Variants in MAPKAPK5 observed in about 807,000 individuals in gnomAD.
MAPKAPK5 encodes MAP kinase-activated protein kinase 5.
MAPKAPK5 carries 30 observed loss-of-function variants against 65.1 expected under a neutral mutation model. The observed-to-expected ratio is 0.46, with a 90% CI of 0.34 to 0.63. The LOEUF is 0.63. Among genes scored for constraint, MAPKAPK5 ranks in the 20% least tolerant of loss-of-function variants. The pLI, the probability that MAPKAPK5 is intolerant of heterozygous loss-of-function variation, is 0.01. For synonymous variants in MAPKAPK5, 179 were observed against 204.6 expected, an observed-to-expected ratio of 0.87 and a Z score of 1.07; for missense variants, 433 against 581.4, an observed-to-expected ratio of 0.74 and a Z score of 2.63.
At chr12:111,886,636 C>G (rs1485050317) in intron 10 of MAPKAPK5, among the ~76,000 whole-genome samples, 5 of 152,218 alleles carry the variant, frequency 3.3e-5, no homozygotes, top group Admixed American at 2.6e-4. Context: ...AAAACACATG[C>G]AAATACATCA....
intron 7 of MAPKAPK5, among the ~76,000 whole-genome samples, chr12:111,877,503 C>G (rs1484007434): frequency 2.6e-5 from 4 of 152,110 alleles, no homozygotes; most frequent in Admixed American, 6.6e-5. Context: ...TTTGCATTCC[C>G]TAATGAGTAA....
Position 111,842,558 on chromosome 12 carries a change from C to T in MAPKAPK5, c.-176C>T. 2.6e-6 allele frequency: 1 copy of T among 380,630 alleles called. No individual in the cohort carries two copies. Among genetic ancestry groups the T allele is most frequent in the Non-Finnish European group, 4.8e-6 (1 of 208,448 alleles). The allele number at this position is 380,630 out of a possible 1,614,324, so 23.6% of individuals were successfully genotyped here. Reference sequence around the variant, plus strand: ...GCTGCTGCCGCCAGCCTAGAGCCGCCCGCCGAAGCAGAGCCGGCGCCGGGG... The same window carrying T: ...GCTGCTGCCGCCAGCCTAGAGCCGCTCGCCGAAGCAGAGCCGGCGCCGGGG... On this transcript the variant is annotated 5_prime_UTR_variant, in exon 1 of 14. Coordinates refer to ENST00000550735, the MANE Select transcript of MAPKAPK5 (RefSeq NM_003668.4).
At position 111,892,944 on chromosome 12, in the gene MAPKAPK5, C is replaced by T. The variant is rs1348186966; in HGVS notation, c.1322-23C>T. 2.6e-6 allele frequency: 4 copies of T among 1,531,204 alleles called. No individual in the cohort carries two copies. The East Asian group carries it at 9.7e-5, about 37-fold the overall frequency. 94.9% of individuals were successfully genotyped at this position (1,531,204 alleles called of 1,614,324 possible). A position where few individuals can be genotyped will look rare whatever the true frequency, so the allele number is the denominator to read the frequency against. On this transcript the variant is annotated intron_variant, in intron 13 of 13. Transcript: ENST00000550735. The stretch of plus-strand genomic sequence containing the variant: ...ACCTCTCAAAGAATTTGAGGACTGA[C>T]CTTGTTCTTTTTTTGCTTTCAGGTC...
chr12:111,860,237 C>T (rs895411460), intron 1 of MAPKAPK5, among the ~76,000 whole-genome samples: 3 of 152,170 alleles, frequency 2.0e-5, no homozygotes, highest in Admixed American at 6.5e-5. Context: ...GTCAAATGCT[C>T]TACTGCTGAG....
chr12:111,860,349 T>G (rs2069396491), intron 1 of MAPKAPK5, among the ~76,000 whole-genome samples: 1 of 152,216 alleles, frequency 6.6e-6, no homozygotes, highest in South Asian at 2.1e-4. Flanking sequence ...CTGGTTCTCT[T>G]AGGTATAATT....
rs1008932070 is a variant in MAPKAPK5 at position 111,843,277 on chromosome 12, C to T, written c.36+508C>T. Reference sequence around the variant, plus strand: ...TGTCCTCACTTTTCCGTGTATTCTCCCCTTTTTCTTTTTCCTCTTCTTTCT... The same window carrying T: ...TGTCCTCACTTTTCCGTGTATTCTCTCCTTTTTCTTTTTCCTCTTCTTTCT... On this transcript the variant is annotated intron_variant, in intron 1 of 13. Coordinates refer to ENST00000550735, the MANE Select transcript of MAPKAPK5 (RefSeq NM_003668.4). 1.3e-5 allele frequency: 5 copies of T among 398,492 alleles called. No individual in the cohort carries two copies. In the Admixed American group the frequency reaches 2.2e-4, roughly 18 times the overall value. 24.7% of individuals were successfully genotyped at this position (398,492 alleles called of 1,614,324 possible).
In MAPKAPK5 at chr12:111,867,584, A is replaced by G. The variant is rs1461751279; in HGVS notation, c.199A>G (p.Met67Val). The part of the protein sequence containing the change: ...PKARNEVRLH[M>V]MCATHPNIVQ... ...TGTTCTCTTTAAGGTACGTCTGCAC[A>G]TGATGTGTGCCACACACCCAAACAT... The change falls in exon 4 of 14, where the codon ATG (methionine) becomes GTG (valine). Residue 67 changes from methionine to valine, a missense_variant. Met to Val is a conservative substitution (Grantham distance 21, BLOSUM62 1). Transcript: ENST00000550735. The G allele has an allele frequency of 6.2e-7, 1 of 1,613,608 alleles. No homozygotes were observed. The highest frequency in any genetic ancestry group is 1.3e-5 in the African/African-American group (1 of 75,042).
At chr12:111,885,585 C>T (rs1227059555) in intron 9 of MAPKAPK5, 1 of 210,034 alleles carries the variant, frequency 4.8e-6, no homozygotes. Flanking sequence ...GCCCATTGTC[C>T]TAGAAACCTC....
At chr12:111,889,117 T>C (rs2070515180) in intron 12 of MAPKAPK5, 117 bp downstream of exon 12, 8 of 1,160,482 alleles carry the variant, frequency 6.9e-6, no homozygotes, top group African/African-American at 1.5e-5. Context: ...GTTGTCTGTT[T>C]CATCTTGTGT....
chr12:111,875,653 A>C (rs1323368719), intron 7 of MAPKAPK5, among the ~76,000 whole-genome samples: 1 of 152,120 alleles, frequency 6.6e-6, no homozygotes, highest in Non-Finnish European at 1.5e-5. Flanking sequence ...TGTGCAGAAG[A>C]GTATGGGAGC....
chr12:111,851,729 A>C (rs1593124112), intron 1 of MAPKAPK5, among the ~76,000 whole-genome samples: 1 of 152,238 alleles, frequency 6.6e-6, no homozygotes, highest in African/African-American at 2.4e-5. Flanking sequence ...GGATTACACC[A>C]CTGAAGATGC....
intron 13 of MAPKAPK5, among the ~76,000 whole-genome samples, chr12:111,891,564 C>T (rs11066066): frequency 3.4e-5 from 5 of 146,576 alleles, no homozygotes; most frequent in East Asian, 4.2e-4. Flanking sequence ...GAGGCCAAGG[C>T]GGGCGGATCA....
chr12:111,862,209 GC>G (rs1408968528), intron 1 of MAPKAPK5, among the ~76,000 whole-genome samples: 1 of 152,102 alleles, frequency 6.6e-6, no homozygotes, highest in Admixed American at 6.6e-5. Flanking sequence ...AGTGTTTATG[GC>G]ACCATCAACA....
At chr12:111,844,590 C>G (rs572009258) in intron 1 of MAPKAPK5, among the ~76,000 whole-genome samples, 1 of 152,350 alleles carries the variant, frequency 6.6e-6, no homozygotes, top group Admixed American at 6.5e-5. Flanking sequence ...TAAACATTGT[C>G]TCCTGTGTGC....
Position 111,900,281 on chromosome 12 carries a change from T to C in MAPKAPK5, c.*7220T>C. 1.1e-5 allele frequency: 5 copies of C among 456,086 alleles called. No individual in the cohort carries two copies. Among genetic ancestry groups the C allele is most frequent in the South Asian group, 7.7e-5 (5 of 64,564 alleles). 28.3% of individuals were successfully genotyped at this position (456,086 alleles called of 1,614,324 possible). A position where few individuals can be genotyped will look rare whatever the true frequency, so the allele number is the denominator to read the frequency against. ...ATATGGGCCAGGCCTTTCTCAGTGG[T>C]GCCTGCTCAAGCGGTTTTGCGGCAG... On this transcript the variant is annotated 3_prime_UTR_variant, in exon 14 of 14. Transcript: ENST00000550735.
At chr12:111,861,669 G>A (rs1593141940) in intron 1 of MAPKAPK5, among the ~76,000 whole-genome samples, 2 of 152,156 alleles carry the variant, frequency 1.3e-5, no homozygotes, top group South Asian at 2.1e-4. Flanking sequence ...CGATTGTGAT[G>A]TGCAGTTATT....
intron 1 of MAPKAPK5, among the ~76,000 whole-genome samples, chr12:111,858,654 C>T (rs1324724019): frequency 1.3e-5 from 2 of 149,586 alleles, no homozygotes; most frequent in African/African-American, 2.5e-5. Context: ...AGCAATTCTC[C>T]TGCCCCAGCC....
chr12:111,844,625 G>GTGTC (rs2068847999), intron 1 of MAPKAPK5, among the ~76,000 whole-genome samples: 1 of 152,204 alleles, frequency 6.6e-6, no homozygotes, highest in African/African-American at 2.4e-5. Flanking sequence ...GACACAAATG[G>GTGTC]TACAAGCCAG....
intron 3 of MAPKAPK5, among the ~76,000 whole-genome samples, chr12:111,866,672 C>T (rs1321670042): frequency 6.6e-6 from 1 of 152,072 alleles, no homozygotes; most frequent in Admixed American, 6.5e-5. Flanking sequence ...TGCGATGGCG[C>T]AATCTCGGCT....
Sources: gnomAD v4.1 joint callset for allele counts (sites outside exome capture counted in the v4.1 genomes callset) on GRCh38, gnomAD v4.1.1 for gene constraint, MANE v1.5 for transcripts, NCBI Gene and HGNC (gene_info 2026-07-23, HGNC 2026-07-21) for gene names.